Variants in MALL observed in about 807,000 individuals in gnomAD.
MALL encodes the protein MAL-like protein.
A neutral mutation model predicts 10.3 loss-of-function variants in MALL; 2 were observed. The observed-to-expected ratio is 0.19, with a 90% CI of 0.08 to 0.61. The LOEUF is 0.61. Ranked by LOEUF, MALL falls within the 20% of genes least tolerant of loss-of-function variation. The probability of loss-of-function intolerance (pLI) is 0.88; values close to 1 mark genes in which losing one functional copy is unlikely to be tolerated. For missense variants in MALL, 39 were observed against 115.2 expected (o/e 0.34, Z 3.03); for synonymous variants, 27 against 51.8 (o/e 0.52, Z 2.05).
intron 1 of MALL, among the ~76,000 whole-genome samples, chr2:110,108,316 A>T (rs1678735715): frequency 6.6e-6 from 1 of 152,124 alleles, no homozygotes; most frequent in Non-Finnish European, 1.5e-5. Flanking sequence ...AGAAATATTC[A>T]TGGAAATAGA....
intron 1 of MALL, among the ~76,000 whole-genome samples, chr2:110,114,555 C>T (rs566349795): frequency 1.7e-3 from 255 of 151,826 alleles, no homozygotes; most frequent in African/African-American, 4.8e-3. Flanking sequence ...GGATGGTAGC[C>T]TTGGCAGAAA....
At chr2:110,097,889 G>C (rs1678480497) in intron 1 of MALL, among the ~76,000 whole-genome samples, 1 of 151,970 alleles carries the variant, frequency 6.6e-6, no homozygotes. Context: ...TGGCACTCAG[G>C]TGACCACAGG....
At chr2:110,109,093 A>G (rs1678751349) in intron 1 of MALL, among the ~76,000 whole-genome samples, 2 of 152,230 alleles carry the variant, frequency 1.3e-5, no homozygotes, top group African/African-American at 4.8e-5. Flanking sequence ...AACCTCTTTA[A>G]AGCATAAATC....
chr2:110,102,138 C>T (rs1400378569), intron 1 of MALL, among the ~76,000 whole-genome samples: 1 of 152,136 alleles, frequency 6.6e-6, no homozygotes, highest in Admixed American at 6.5e-5. Context: ...CTCCTTTCTC[C>T]TCAGGAGCCC....
At chr2:110,117,047 A>G (rs1043961029), upstream of MALL, among the ~76,000 whole-genome samples, 24 of 152,166 alleles carry the variant, frequency 1.6e-4, no homozygotes, top group African/African-American at 5.3e-4. Flanking sequence ...AAATGAAGCT[A>G]AGACCAAAGG....
intron 1 of MALL, among the ~76,000 whole-genome samples, chr2:110,109,880 C>T (rs1033861992): frequency 1.2e-4 from 18 of 152,014 alleles, no homozygotes; most frequent in African/African-American, 4.3e-4. Context: ...CTCTGTCAGA[C>T]CACAGTAGAA....
At chr2:110,114,152 C>T (rs918443197) in intron 1 of MALL, among the ~76,000 whole-genome samples, 3 of 152,118 alleles carry the variant, frequency 2.0e-5, no homozygotes, top group Non-Finnish European at 4.4e-5. Flanking sequence ...TCCAGGACTT[C>T]TCCCCTGGCC....
chr2:110,106,653 T>C (rs557485346), intron 1 of MALL, among the ~76,000 whole-genome samples: 7 of 152,174 alleles, frequency 4.6e-5, no homozygotes, highest in East Asian at 1.9e-4. Context: ...CTCTGGAAAA[T>C]AGTTTGTCAG....
chr2:110,105,016 T>C (rs1321437778), intron 1 of MALL, among the ~76,000 whole-genome samples: 1 of 152,206 alleles, frequency 6.6e-6, no homozygotes, highest in East Asian at 1.9e-4. Context: ...ACTCACCATG[T>C]CCTGACATTT....
chr2:110,100,802 C>T (rs1402092283), intron 1 of MALL, among the ~76,000 whole-genome samples: 1 of 152,114 alleles, frequency 6.6e-6, no homozygotes, highest in Non-Finnish European at 1.5e-5. Flanking sequence ...AGGGGCCATG[C>T]GGGGGTCTGG....
intron 1 of MALL, among the ~76,000 whole-genome samples, chr2:110,095,480 G>A (rs1408012814): frequency 2.0e-5 from 3 of 152,010 alleles, no homozygotes; most frequent in Non-Finnish European, 4.4e-5. Flanking sequence ...AGGAAAGATG[G>A]AGCTTAACAA....
chr2:110,113,601 A>G (rs1489994954), intron 1 of MALL, among the ~76,000 whole-genome samples: 1 of 152,046 alleles, frequency 6.6e-6, no homozygotes, highest in Non-Finnish European at 1.5e-5. Context: ...CAAAAGCACA[A>G]AAAAAGAAAA....
chr2:110,108,030 T>A (rs1678730344), intron 1 of MALL, among the ~76,000 whole-genome samples: 1 of 152,112 alleles, frequency 6.6e-6, no homozygotes, highest in Non-Finnish European at 1.5e-5. Flanking sequence ...GACAAAAGAA[T>A]CTGAACAGCC....
upstream of MALL, among the ~76,000 whole-genome samples, chr2:110,117,229 C>T (rs1678937012): frequency 6.6e-6 from 1 of 152,154 alleles, no homozygotes; most frequent in South Asian, 2.1e-4. Flanking sequence ...GGAGAGATTT[C>T]TCCATGAATC....
At position 110,097,564 on chromosome 2, in the gene MALL, C is replaced by A. The variant is rs183837695; in HGVS notation, c.106-5794G>T. On this transcript the variant is annotated intron_variant, in intron 1 of 3. Coordinates refer to ENST00000272462, the MANE Select transcript of MALL (RefSeq NM_005434.5). ...GGCTGCTGCAGGGGCCGGGATCACACACTGAGGTTCTGAGACAGACGCTGC... is the reference window on the plus strand; with the variant it reads ...GGCTGCTGCAGGGGCCGGGATCACAAACTGAGGTTCTGAGACAGACGCTGC... 5.5e-4 allele frequency: 253 copies of A among 456,376 alleles called. 5 individuals are homozygous for A. In the East Asian group the frequency reaches 0.014, roughly 25 times the overall value. 28.3% of individuals were successfully genotyped at this position (456,376 alleles called of 1,614,324 possible).
chr2:110,110,758 G>A (rs56028087), intron 1 of MALL, among the ~76,000 whole-genome samples: 46,113 of 151,706 alleles, frequency 0.3, 7,659 homozygotes, highest in East Asian at 0.55. Flanking sequence ...AGGAAAGGAC[G>A]TAACCAAAAA....
upstream of MALL, chr2:110,115,894 A>G (rs868218754): frequency 7.6e-4 from 98 of 128,516 alleles, no homozygotes; most frequent in African/African-American, 4.9e-3. Context: ...CCTGGGAGGG[A>G]AAAAAAAAAA....
At chr2:110,108,875 C>T (rs1021008230) in intron 1 of MALL, among the ~76,000 whole-genome samples, 3 of 152,232 alleles carry the variant, frequency 2.0e-5, no homozygotes, top group African/African-American at 4.8e-5. Context: ...GAAGAGACTG[C>T]GGACCTATCT....
At chr2:110,102,791 T>C (rs1227598462) in intron 1 of MALL, among the ~76,000 whole-genome samples, 1 of 152,156 alleles carries the variant, frequency 6.6e-6, no homozygotes, top group African/African-American at 2.4e-5. Context: ...GGGAAGGCTT[T>C]TCCCACCACC....
Sources: gnomAD v4.1 joint callset for allele counts (sites outside exome capture counted in the v4.1 genomes callset) on GRCh38, gnomAD v4.1.1 for gene constraint, MANE v1.5 for transcripts, NCBI Gene and HGNC (gene_info 2026-07-23, HGNC 2026-07-21) for gene names.